The following ARHGAP15 variants were observed in gnomAD, a reference collection of about 807,000 sequenced individuals.
ARHGAP15 encodes the protein Rho GTPase activating protein 15.
A neutral mutation model predicts 63.7 loss-of-function variants in ARHGAP15; 51 were observed. The ratio of observed to expected loss-of-function variants is 0.80; its 90% CI spans 0.64 to 1.01. The LOEUF (loss-of-function observed/expected upper bound fraction) is 1.01. Ranked by LOEUF, ARHGAP15 falls within the 50% of genes least tolerant of loss-of-function variation. The pLI, the probability that ARHGAP15 is intolerant of heterozygous loss-of-function variation, is 0.00. For missense variants in ARHGAP15, 560 were observed against 564.6 expected (o/e 0.99, Z 0.08); for synonymous variants, 191 against 193.8 (o/e 0.99, Z 0.12).
chr2:143,373,715 G>A (rs1057487487), intron 6 of ARHGAP15, among the ~76,000 whole-genome samples: 1 of 148,154 alleles, frequency 6.7e-6, no homozygotes, highest in African/African-American at 2.5e-5. Context: ...AATTACTTTT[G>A]TTGGTAGTCT....
chr2:143,605,858 C>CAAAAAAAAAAA lies in ARHGAP15; in HGVS notation c.1004-18257_1004-18247dup, dbSNP rs373847590. ...GTGAAACCCTGTCTCTACTAAAATA[C>CAAAAAAAAAAA]AAAAAAAAAAAAAAAAAAAAAAAAA... On this transcript the variant is annotated intron_variant, in intron 11 of 13. Coordinates refer to ENST00000295095, the MANE Select transcript of ARHGAP15 (RefSeq NM_018460.4). Among the ~76,000 whole-genome samples the CAAAAAAAAAAA allele has an allele frequency of 2.5e-3, 217 of 85,286 alleles. 14 individuals carry two copies. The highest frequency in any genetic ancestry group is 7.4e-3 in the Middle Eastern group (1 of 136). The allele number at this position is 85,286 out of a possible 152,430, so 56.0% of individuals were successfully genotyped here.
intron 8 of ARHGAP15, among the ~76,000 whole-genome samples, chr2:143,446,635 T>C (rs1463176028): frequency 8.4e-6 from 1 of 119,688 alleles, no homozygotes; most frequent in Admixed American, 7.8e-5. Context: ...ATTTCCATTC[T>C]TTTTTTTTTT....
At chr2:143,153,873 T>TCTTCC (rs1689967986) in intron 1 of ARHGAP15, among the ~76,000 whole-genome samples, 27 of 46,902 alleles carry the variant, frequency 5.8e-4, no homozygotes, top group African/African-American at 1.8e-3. Flanking sequence ...CCTCCTCCTC[T>TCTTCC]TCCTCCTCCT....
At chr2:143,481,768 G>A (rs1314495211) in intron 8 of ARHGAP15, among the ~76,000 whole-genome samples, 1 of 152,102 alleles carries the variant, frequency 6.6e-6, no homozygotes, top group East Asian at 1.9e-4. Context: ...CACTTGTGTT[G>A]GGCTAATGCC....
At chr2:143,588,162 C>G (rs1267895513) in intron 11 of ARHGAP15, among the ~76,000 whole-genome samples, 4 of 152,176 alleles carry the variant, frequency 2.6e-5, no homozygotes, top group Non-Finnish European at 5.9e-5. Flanking sequence ...CTCTGGGAAG[C>G]CAATGGCACC....
At chr2:143,178,058 G>A (rs1050788174) in intron 2 of ARHGAP15, among the ~76,000 whole-genome samples, 9 of 152,164 alleles carry the variant, frequency 5.9e-5, no homozygotes, top group Non-Finnish European at 1.3e-4. Context: ...ATAATGTCCT[G>A]TGAAAAATGT....
At chr2:143,277,464 A>T (rs780145981) in intron 6 of ARHGAP15, among the ~76,000 whole-genome samples, 3 of 151,814 alleles carry the variant, frequency 2.0e-5, no homozygotes, top group Admixed American at 6.6e-5. Flanking sequence ...GGGTATTTGG[A>T]CAGATAGAAC....
chr2:143,435,772 AAC>A, intron 7 of ARHGAP15, 73 bp downstream of exon 7: 6 of 1,408,030 alleles, frequency 4.3e-6, no homozygotes, highest in South Asian at 1.3e-5. Flanking sequence ...TCAGGCATAT[AAC>A]ACACACACTC....
At chr2:143,575,009 C>A (rs1431371448) in intron 11 of ARHGAP15, among the ~76,000 whole-genome samples, 1 of 152,132 alleles carries the variant, frequency 6.6e-6, no homozygotes, top group East Asian at 1.9e-4. Flanking sequence ...AATAGATACA[C>A]ATATTGAGTT....
At chr2:143,146,855 C>T (rs971820908) in intron 1 of ARHGAP15, among the ~76,000 whole-genome samples, 2 of 152,010 alleles carry the variant, frequency 1.3e-5, no homozygotes, top group Non-Finnish European at 2.9e-5. Flanking sequence ...TAGGGAAAGA[C>T]TAATAGATAC....
intron 4 of ARHGAP15, chr2:143,227,991 C>T (rs1369642692): frequency 6.6e-6 from 1 of 152,144 alleles, no homozygotes; most frequent in African/African-American, 2.4e-5. Context: ...ATTTCCTACA[C>T]TGTGATTATC....
At chr2:143,149,515 A>C (rs1418174218) in intron 1 of ARHGAP15, among the ~76,000 whole-genome samples, 3 of 152,028 alleles carry the variant, frequency 2.0e-5, no homozygotes, top group African/African-American at 7.2e-5. Context: ...GAAAATTCTA[A>C]GATTGTGATA....
intron 6 of ARHGAP15, among the ~76,000 whole-genome samples, chr2:143,336,679 C>T (rs1271060973): frequency 6.6e-6 from 1 of 152,058 alleles, no homozygotes; most frequent in African/African-American, 2.4e-5. Context: ...CACTTAGCTC[C>T]CTTCTTTCCC....
At chr2:143,515,551 G>T (rs1574562442) in intron 9 of ARHGAP15, among the ~76,000 whole-genome samples, 1 of 152,156 alleles carries the variant, frequency 6.6e-6, no homozygotes, top group Admixed American at 6.5e-5. Flanking sequence ...TGGATTAAAA[G>T]AAAAAGAAAA....
intron 3 of ARHGAP15, among the ~76,000 whole-genome samples, chr2:143,202,841 A>G (rs928613207): frequency 2.6e-5 from 4 of 152,060 alleles, no homozygotes; most frequent in African/African-American, 4.8e-5. Context: ...ACTTTTTTCC[A>G]TGTTTTTGTG....
intron 12 of ARHGAP15, among the ~76,000 whole-genome samples, chr2:143,660,996 G>A (rs985436357): frequency 1.3e-5 from 2 of 152,184 alleles, no homozygotes; most frequent in Non-Finnish European, 2.9e-5. Flanking sequence ...AGGCTCTAGG[G>A]AGAACCCATG....
At chr2:143,510,249 C>T (rs1693521530) in intron 9 of ARHGAP15, among the ~76,000 whole-genome samples, 2 of 152,086 alleles carry the variant, frequency 1.3e-5, no homozygotes, top group African/African-American at 4.8e-5. Flanking sequence ...AATAATCTGC[C>T]CATATGTGTG....
chr2:143,585,118 A>G (rs1697062085), intron 11 of ARHGAP15, among the ~76,000 whole-genome samples: 1 of 152,196 alleles, frequency 6.6e-6, no homozygotes, highest in Admixed American at 6.5e-5. Context: ...CAGGAAGTTC[A>G]CAATTCCATA....
chr2:143,173,938 C>T (rs1167428411), intron 2 of ARHGAP15, among the ~76,000 whole-genome samples: 2 of 152,050 alleles, frequency 1.3e-5, no homozygotes, highest in Non-Finnish European at 1.5e-5. Flanking sequence ...TTCAAGGGGT[C>T]GTTCCGAGTT....
Sources: allele counts gnomAD v4.1 joint callset (sites outside exome capture counted in the v4.1 genomes callset), GRCh38; gene constraint gnomAD v4.1.1; transcripts MANE v1.5; gene names NCBI Gene and HGNC (gene_info 2026-07-23, HGNC 2026-07-21).